Variants in SNTB2 observed in about 807,000 individuals in gnomAD.
SNTB2 encodes syntrophin beta 2.
Under a neutral mutation model 46.2 loss-of-function variants are expected in SNTB2, and 34 were observed. The observed-to-expected ratio is 0.74, with a 90% CI of 0.56 to 0.98. The LOEUF (loss-of-function observed/expected upper bound fraction) is 0.98. Ranked by LOEUF, SNTB2 falls within the 50% of genes least tolerant of loss-of-function variation. The pLI is 0.00. For synonymous variants in SNTB2, 290 were observed against 312.6 expected (o/e 0.93, Z 0.76); for missense variants, 603 against 731.4 (o/e 0.82, Z 2.02).
intron 3 of SNTB2, among the ~76,000 whole-genome samples, chr16:69,267,305 C>T (rs1050958565): frequency 6.6e-6 from 1 of 152,174 alleles, no homozygotes; most frequent in Non-Finnish European, 1.5e-5. Flanking sequence ...GCGTGAGCTA[C>T]CATGCCTGGC....
chr16:69,202,007 C>CT (rs1275610314), intron 1 of SNTB2, among the ~76,000 whole-genome samples: 2 of 152,172 alleles, frequency 1.3e-5, no homozygotes, highest in Non-Finnish European at 2.9e-5. Flanking sequence ...TCCTTGTTTA[C>CT]ACCTGATGTT....
In SNTB2 at chr16:69,307,317, CCATGCCAA is replaced by C. The variant is rs1965323714; in HGVS notation, c.*6398_*6405del. 6.6e-6 allele frequency: 1 copy of C among 152,162 alleles called. No homozygotes were observed. The highest frequency in any genetic ancestry group is 1.9e-4 in the East Asian group (1 of 5,200). 9.4% of individuals were successfully genotyped at this position (152,162 alleles called of 1,614,324 possible). A position where few individuals can be genotyped will look rare whatever the true frequency, so the allele number is the denominator to read the frequency against. On this transcript the variant is annotated 3_prime_UTR_variant, in exon 7 of 7. Transcript: ENST00000336278. ...TTTGAAGGGATACTCAGGCTTTGAT[CCATGCCAA>C]CATGAAAGGACTCCAAGCACATTTA...
chr16:69,216,730 A>T (rs1719529617), intron 1 of SNTB2, among the ~76,000 whole-genome samples: 1 of 151,940 alleles, frequency 6.6e-6, no homozygotes. Flanking sequence ...AACCACTTAC[A>T]TGGATGTAAG....
intron 1 of SNTB2, among the ~76,000 whole-genome samples, chr16:69,190,901 G>A (rs752277904): frequency 2.0e-5 from 3 of 152,074 alleles, no homozygotes; most frequent in Non-Finnish European, 2.9e-5. Flanking sequence ...TGCAATTCAC[G>A]TGTTGAGTAC....
At chr16:69,271,973 T>C (rs1475337617) in intron 4 of SNTB2, among the ~76,000 whole-genome samples, 1 of 152,098 alleles carries the variant, frequency 6.6e-6, no homozygotes, top group African/African-American at 2.4e-5. Context: ...AATTTGCAAG[T>C]AGGGAAAAGA....
intron 5 of SNTB2, among the ~76,000 whole-genome samples, chr16:69,287,165 A>G (rs1278954744): frequency 6.6e-6 from 1 of 152,042 alleles, no homozygotes; most frequent in East Asian, 1.9e-4. Flanking sequence ...AATTTGGAGT[A>G]TTGTTTTTTA....
intron 2 of SNTB2, among the ~76,000 whole-genome samples, chr16:69,255,141 A>G (rs954830557): frequency 2.0e-5 from 3 of 151,960 alleles, no homozygotes; most frequent in Non-Finnish European, 4.4e-5. Flanking sequence ...TCTGTCACCC[A>G]GGCTGGAGTA....
chr16:69,240,390 G>A (rs897524095), intron 1 of SNTB2, among the ~76,000 whole-genome samples: 1 of 152,204 alleles, frequency 6.6e-6, no homozygotes, highest in Non-Finnish European at 1.5e-5. Context: ...ACACCTGCAA[G>A]TTGAGAATGT....
intron 4 of SNTB2, among the ~76,000 whole-genome samples, chr16:69,278,804 G>A (rs1965006907): frequency 6.6e-6 from 1 of 152,064 alleles, no homozygotes; most frequent in Non-Finnish European, 1.5e-5. Context: ...ATCTTTTTGG[G>A]GGAGGGGGTG....
At chr16:69,244,133 T>G (rs980974117) in intron 1 of SNTB2, among the ~76,000 whole-genome samples, 1 of 152,216 alleles carries the variant, frequency 6.6e-6, no homozygotes, top group Non-Finnish European at 1.5e-5. Context: ...TGCGGTCACA[T>G]AGCTTTGAAT....
intron 4 of SNTB2, among the ~76,000 whole-genome samples, chr16:69,277,858 C>G (rs1483648690): frequency 6.6e-6 from 1 of 152,184 alleles, no homozygotes; most frequent in African/African-American, 2.4e-5. Flanking sequence ...TTACACTGAT[C>G]TACTTAATAC....
At chr16:69,278,889 A>AGTGAGT (rs1555500631) in intron 4 of SNTB2, among the ~76,000 whole-genome samples, 3 of 140,912 alleles carry the variant, frequency 2.1e-5, no homozygotes, top group African/African-American at 7.9e-5. Context: ...AGGTGGGAAG[A>AGTGAGT]GTGTGTGTGT....
intron 1 of SNTB2, among the ~76,000 whole-genome samples, chr16:69,233,775 C>T (rs1375550645): frequency 6.6e-6 from 1 of 151,952 alleles, no homozygotes; most frequent in Non-Finnish European, 1.5e-5. Flanking sequence ...AAGTTCAAGA[C>T]CATCCTTGGC....
intron 4 of SNTB2, among the ~76,000 whole-genome samples, chr16:69,283,311 C>T (rs1348297849): frequency 6.6e-6 from 1 of 152,172 alleles, no homozygotes; most frequent in Admixed American, 6.5e-5. Context: ...ACAGTCATGT[C>T]ATTTGCAAAC....
chr16:69,258,388 A>C (rs1457968807), intron 2 of SNTB2, among the ~76,000 whole-genome samples: 1 of 151,976 alleles, frequency 6.6e-6, no homozygotes, highest in Non-Finnish European at 1.5e-5. Context: ...TTTATAAATA[A>C]TTTTTTCAAT....
intron 1 of SNTB2, among the ~76,000 whole-genome samples, chr16:69,204,250 T>C (rs948581177): frequency 3.3e-5 from 5 of 152,150 alleles, no homozygotes; most frequent in African/African-American, 9.7e-5. Flanking sequence ...TAAAGACTGG[T>C]GAGTACTCTT....
At chr16:69,284,459 T>TAAAAAAAAAAA (rs3087058) in intron 5 of SNTB2, among the ~76,000 whole-genome samples, 2 of 45,908 alleles carry the variant, frequency 4.4e-5, no homozygotes, top group African/African-American at 1.7e-4. Context: ...CCGTCTTTAC[T>TAAAAAAAAAAA]AAAAAAAAAA....
intron 2 of SNTB2, among the ~76,000 whole-genome samples, chr16:69,248,815 AG>A (rs1964696446): frequency 6.6e-6 from 1 of 151,314 alleles, no homozygotes; most frequent in African/African-American, 2.4e-5. Flanking sequence ...AGAGAGAGAC[AG>A]AGAGAAAAAA....
At chr16:69,219,907 C>T (rs1224256425) in intron 1 of SNTB2, among the ~76,000 whole-genome samples, 1 of 151,846 alleles carries the variant, frequency 6.6e-6, no homozygotes, top group Admixed American at 6.6e-5. Flanking sequence ...CGTGCCACCA[C>T]GCCCAGCTAA....
Sources: allele counts gnomAD v4.1 joint callset (sites outside exome capture counted in the v4.1 genomes callset), GRCh38; gene constraint gnomAD v4.1.1; transcripts MANE v1.5; gene names NCBI Gene and HGNC (gene_info 2026-07-23, HGNC 2026-07-21).